The following LRCH4 variants were observed in gnomAD, a reference collection of about 807,000 sequenced individuals.
LRCH4 encodes the protein leucine-rich repeat and calponin homology domain-containing protein 4.
LRCH4 carries 56 observed loss-of-function variants against 81.2 expected under a neutral mutation model. The ratio of observed to expected loss-of-function variants is 0.69; its 90% CI spans 0.56 to 0.86. The LOEUF is 0.86. Ranked by LOEUF, LRCH4 falls within the 40% of genes least tolerant of loss-of-function variation. The pLI is 0.00. For synonymous variants in LRCH4, 442 were observed against 409.7 expected (o/e 1.08, Z -0.95); for missense variants, 895 against 922.8 (o/e 0.97, Z 0.39).
intron 4 of LRCH4, chr7:100,580,676 CACG>C (rs1466300132): frequency 6.6e-6 from 1 of 151,244 alleles, no homozygotes; most frequent in African/African-American, 2.4e-5. Flanking sequence ...CACAGACACA[CACG>C]ACATAACACA....
chr7:100,581,901 T>C lies in LRCH4; in HGVS notation c.493-19A>G, dbSNP rs1260914683. On this transcript the variant is annotated intron_variant, in intron 3 of 17. Coordinates refer to ENST00000310300, the MANE Select transcript of LRCH4 (RefSeq NM_002319.5). ...TCACGTCCTGGTATCAGGAAGGCAG[T>C]GGGAAGGGGCCATGAGACCAGGCCC... 1.9e-6 allele frequency: 3 copies of C among 1,613,368 alleles called. No individual in the cohort carries two copies. Among genetic ancestry groups the C allele is most frequent in the Non-Finnish European group, 2.5e-6 (3 of 1,179,586 alleles).
In LRCH4 at chr7:100,575,219, C is replaced by A. The variant is rs1273728792; in HGVS notation, c.1940G>T (p.Gly647Val). ...TALEAVKRVGGKALPPLWPPS... is the reference protein window; with the variant it reads ...TALEAVKRVGVKALPPLWPPS... ...GGGCCAGAGGGGCGGTAGGGCCTTG[C>A]CCCCCACCCGCTTCACGGCCTCCAG... Residue 647 changes from glycine to valine, a missense_variant, in exon 18 of 18, where the codon GGC becomes GTC. Gly to Val is a moderately radical substitution (Grantham distance 109). Coordinates refer to ENST00000310300, the MANE Select transcript of LRCH4 (RefSeq NM_002319.5). The surrounding 1 kb of genome is among the most constrained non-coding windows in gnomAD (Gnocchi z 5.3). The A allele has an allele frequency of 1.9e-6, 3 of 1,608,636 alleles. No homozygotes were observed. Among genetic ancestry groups the A allele is most frequent in the Admixed American group, 1.7e-5 (1 of 59,060 alleles).
intron 1 of LRCH4, chr7:100,584,736 C>T (rs964746757): frequency 2.2e-6 from 1 of 456,624 alleles, no homozygotes; most frequent in Non-Finnish European, 4.4e-6. Context: ...ACTGGTTCTC[C>T]CCAGAAGAGG....
Position 100,582,794 on chromosome 7 carries a change from G to C in LRCH4, c.221-335C>G, listed in dbSNP as rs552162037. 6.6e-6 allele frequency among the ~76,000 whole-genome samples: 1 copy of C among 152,326 alleles called. No individual in the cohort carries two copies. The highest frequency in any genetic ancestry group is 1.5e-5 in the Non-Finnish European group (1 of 68,032). On this transcript the variant is annotated intron_variant, in intron 1 of 17. Coordinates refer to ENST00000310300, the MANE Select transcript of LRCH4 (RefSeq NM_002319.5). The surrounding 1 kb of genome is among the most constrained non-coding windows in gnomAD (Gnocchi z 5.0). ...CTGTTCAGAGATGCCAGGTGAGGCGGAGGACCGAAGGTGAGAGGAGGGGTC... is the reference window on the plus strand; with the variant it reads ...CTGTTCAGAGATGCCAGGTGAGGCGCAGGACCGAAGGTGAGAGGAGGGGTC...
At chr7:100,576,659 C>A (rs1271367747) in intron 14 of LRCH4, 35 bp downstream of exon 14, 1 of 1,537,100 alleles carries the variant, frequency 6.5e-7, no homozygotes, top group Admixed American at 1.9e-5. Flanking sequence ...TGCTGGCAAG[C>A]ACTGGGTCAG....
In LRCH4 at chr7:100,577,206, GGGGCTCGGTGGCCCCATTTCCA is replaced by G. The variant is rs746091769; in HGVS notation, c.1295+45_1296-53del. 7.6e-5 allele frequency: 122 copies of G among 1,610,014 alleles called. 1 individual carries two copies. Among genetic ancestry groups the G allele is most frequent in the Non-Finnish European group, 9.9e-5 (117 of 1,179,508 alleles). ...TAGCCCCAAGGCAGAACGGCTCAGC[GGGGCTCGGTGGCCCCATTTCCA>G]GGGCTCAGTGTCCAGCAACAGCCCC... is the stretch of plus-strand genomic sequence containing the variant. On this transcript the variant is annotated intron_variant, in intron 11 of 17. Coordinates refer to ENST00000310300, the MANE Select transcript of LRCH4 (RefSeq NM_002319.5). The surrounding 1 kb of genome is among the most constrained non-coding windows in gnomAD (Gnocchi z 6.7).
In LRCH4 at chr7:100,576,956, C is replaced by G. The variant is rs1395473923; in HGVS notation, c.1414G>C (p.Gly472Arg). 1 of 1,585,996 alleles carries G rather than the reference C, an allele frequency of 6.3e-7. No homozygotes were observed. The highest frequency in any genetic ancestry group is 1.1e-5 in the South Asian group (1 of 88,394). The change falls in exon 13 of 18, where the codon GGA becomes CGA. Residue 472 changes from glycine to arginine, a missense_variant. Around this residue, in one of 3 missense-constraint regions of LRCH4, gnomAD observed 529 missense variants for 504.9 expected, o/e 1.05. Coordinates refer to ENST00000310300, the MANE Select transcript of LRCH4 (RefSeq NM_002319.5). ...ASQAGAAAGQ[G>R]APAPAPASQE... Reference sequence around the variant, plus strand: ...GAGGCAGGGGCAGGGGCGGGGGCTCCCTGCCCCGCTGCAGCCCCTGCTTGG... The same window carrying G: ...GAGGCAGGGGCAGGGGCGGGGGCTCGCTGCCCCGCTGCAGCCCCTGCTTGG...
chr7:100,576,605 A>C, intron 14 of LRCH4, 89 bp downstream of exon 14: 6 of 1,166,428 alleles, frequency 5.1e-6, no homozygotes, highest in Non-Finnish European at 7.4e-6. Context: ...AAGGTACAAC[A>C]GACCCAGAGG....
Position 100,575,206 on chromosome 7 carries a change from C to A in LRCH4, c.1953G>T (p.Pro651=). The A allele has an allele frequency of 6.2e-7, 1 of 1,611,608 alleles. No homozygotes were observed. Among genetic ancestry groups the A allele is most frequent in the Non-Finnish European group, 8.5e-7 (1 of 1,178,950 alleles). ...CCAGACCAGAGGGGGGCCAGAGGGG[C>A]GGTAGGGCCTTGCCCCCCACCCGCT... ...AVKRVGGKAL[P]PLWPPSGLGG... Residue 651 remains proline (P), a synonymous_variant, in exon 18 of 18, where the codon CCG becomes CCT. Transcript: ENST00000310300. The surrounding 1 kb of genome is among the most constrained non-coding windows in gnomAD (Gnocchi z 5.3).
Position 100,583,159 on chromosome 7 carries a change from T to C in LRCH4, c.221-700A>G, listed in dbSNP as rs942144387. Among the ~76,000 whole-genome samples the C allele has an allele frequency of 2.0e-5, 3 of 152,182 alleles. No individual in the cohort carries two copies. The highest frequency in any genetic ancestry group is 7.2e-5 in the African/African-American group (3 of 41,448). Reference sequence around the variant, plus strand: ...CAGGTCCCTCCCATCTGGGCTTCTCTGGCCCAGGGCAGGCATCCTTCCTAC... The same window carrying C: ...CAGGTCCCTCCCATCTGGGCTTCTCCGGCCCAGGGCAGGCATCCTTCCTAC... On this transcript the variant is annotated intron_variant, in intron 1 of 17. Transcript: ENST00000310300. This position sits in a 1 kb window ranked among gnomAD's most constrained non-coding sequence, Gnocchi z 4.3.
At position 100,581,689 on chromosome 7, in the gene LRCH4, C is replaced by T. The variant is rs1584409248; in HGVS notation, c.598+88G>A. 2.8e-6 allele frequency: 3 copies of T among 1,080,752 alleles called. No individual in the cohort carries two copies. The South Asian group carries it at 4.0e-5, about 14-fold the overall frequency. The allele number at this position is 1,080,752 out of a possible 1,614,324, so 66.9% of individuals were successfully genotyped here. A position where few individuals can be genotyped will look rare whatever the true frequency, so the allele number is the denominator to read the frequency against. On this transcript the variant is annotated intron_variant, in intron 4 of 17. Transcript: ENST00000310300. ...ATGAATGCCTGCCATGTATAAGCTA[C>T]CCGGTCTGCAGTGTTTTCGTTACCG... is the stretch of plus-strand genomic sequence containing the variant.
At position 100,576,911 on chromosome 7, in the gene LRCH4, C is replaced by A; in HGVS notation, c.1459G>T (p.Ala487Ser). ...AAAATCCCTGTCCCACCTGGTCCAGCTATGGGAAGGGGCTCTTGGGAGGCA... is the reference window on the plus strand; with the variant it reads ...AAAATCCCTGTCCCACCTGGTCCAGATATGGGAAGGGGCTCTTGGGAGGCA... ...APASQEPLPI[A>S]GPATAPAPRP... Residue 487 changes from alanine to serine, a missense_variant, in exon 13 of 18, where the codon GCT (alanine) becomes TCT (serine). This residue lies in a region of LRCH4 where 529 missense variants were observed against 504.9 expected (regional missense o/e 1.05). Coordinates refer to ENST00000310300, the MANE Select transcript of LRCH4 (RefSeq NM_002319.5). 6.4e-7 allele frequency: 1 copy of A among 1,555,392 alleles called. No individual in the cohort carries two copies.
chr7:100,575,265 C>G lies in LRCH4; in HGVS notation c.1894G>C (p.Ala632Pro), dbSNP rs764888505. The G allele has an allele frequency of 6.3e-7, 1 of 1,577,478 alleles. No homozygotes were observed. Among genetic ancestry groups the G allele is most frequent in the Admixed American group, 1.9e-5 (1 of 53,522 alleles). ...TCCAGCGCGGTCCGCAGCCCCCGGG[C>G]AGTGCCCTGGAGGAGATCCGAGGGC... is the stretch of plus-strand genomic sequence containing the variant. ...CSPSDLLQGT[A>P]RGLRTALEAV... Residue 632 changes from alanine to proline, a missense_variant, in exon 18 of 18, where the codon GCC becomes CCC. Coordinates refer to ENST00000310300, the MANE Select transcript of LRCH4 (RefSeq NM_002319.5). The surrounding 1 kb of genome is among the most constrained non-coding windows in gnomAD (Gnocchi z 5.3).
At position 100,575,040 on chromosome 7, in the gene LRCH4, C is replaced by T. The variant is rs527951964; in HGVS notation, c.*67G>A. 4 of 1,445,256 alleles carry T rather than the reference C, an allele frequency of 2.8e-6. No individual in the cohort carries two copies. The highest frequency in any genetic ancestry group is 2.4e-5 in the East Asian group (1 of 42,408). 89.5% of individuals were successfully genotyped at this position (1,445,256 alleles called of 1,614,324 possible). Reference sequence around the variant, plus strand: ...GGGCTGAAGGCACCGCAGGTGGGGTCGGGTGGAGCAGGGACCTTATAAATA... The same window carrying T: ...GGGCTGAAGGCACCGCAGGTGGGGTTGGGTGGAGCAGGGACCTTATAAATA... On this transcript the variant is annotated 3_prime_UTR_variant, in exon 18 of 18. Transcript: ENST00000310300. This position sits in a 1 kb window ranked among gnomAD's most constrained non-coding sequence, Gnocchi z 5.3.
Position 100,575,260 on chromosome 7 carries a change from C to A in LRCH4, c.1899G>T (p.Arg633=), listed in dbSNP as rs904840586. ...CGGCCTCCAGCGCGGTCCGCAGCCCCCGGGCAGTGCCCTGGAGGAGATCCG... is the reference window on the plus strand; with the variant it reads ...CGGCCTCCAGCGCGGTCCGCAGCCCACGGGCAGTGCCCTGGAGGAGATCCG... ...SPSDLLQGTA[R]GLRTALEAVK... is the part of the protein sequence containing the mutation. Residue 633 remains arginine (R), a synonymous_variant, in exon 18 of 18, where the codon CGG becomes CGT. Coordinates refer to ENST00000310300, the MANE Select transcript of LRCH4 (RefSeq NM_002319.5). This position sits in a 1 kb window ranked among gnomAD's most constrained non-coding sequence, Gnocchi z 5.3. 1 of 1,579,730 alleles carries A rather than the reference C, an allele frequency of 6.3e-7. No individual in the cohort carries two copies. Among genetic ancestry groups the A allele is most frequent in the Non-Finnish European group, 8.6e-7 (1 of 1,161,830 alleles).
intron 14 of LRCH4, 29 bp downstream of exon 14, chr7:100,576,665 G>A (rs1349665079): frequency 6.4e-7 from 1 of 1,559,558 alleles, no homozygotes; most frequent in Admixed American, 1.9e-5. Context: ...CAAGCACTGG[G>A]TCAGCACTGG....
rs1305358139 is a variant in LRCH4 at position 100,583,461 on chromosome 7, C to T, written c.221-1002G>A. 4.6e-5 allele frequency among the ~76,000 whole-genome samples: 7 copies of T among 152,146 alleles called. No individual in the cohort carries two copies. The highest frequency in any genetic ancestry group is 2.9e-5 in the Non-Finnish European group (2 of 68,008). On this transcript the variant is annotated intron_variant, in intron 1 of 17. Coordinates refer to ENST00000310300, the MANE Select transcript of LRCH4 (RefSeq NM_002319.5). The surrounding 1 kb of genome is among the most constrained non-coding windows in gnomAD (Gnocchi z 4.3). Reference sequence around the variant, plus strand: ...CCTGTCCTGGGAGGGGCCCAGGGCCCGCGAGGCGGAGTCCCAGGCCACAGA... The same window carrying T: ...CCTGTCCTGGGAGGGGCCCAGGGCCTGCGAGGCGGAGTCCCAGGCCACAGA...
chr7:100,582,526 C>CCCCG lies in LRCH4; in HGVS notation c.221-68_221-67insCGGG, dbSNP rs966433629. The CCCCG allele has an allele frequency of 4.0e-6, 6 of 1,513,416 alleles. No individual in the cohort carries two copies. In the African/African-American group the frequency reaches 8.2e-5, roughly 21 times the overall value. The allele number at this position is 1,513,416 out of a possible 1,614,324, so 93.7% of individuals were successfully genotyped here. On this transcript the variant is annotated intron_variant, in intron 1 of 17. Transcript: ENST00000310300. The surrounding 1 kb of genome is among the most constrained non-coding windows in gnomAD (Gnocchi z 5.0). ...AGCCCGGACAGGACCTTCAGTCCCC[C>CCCCG]CAGAGCCGGCTGCCCACTCCCTCAC... is the stretch of plus-strand genomic sequence containing the variant.
Position 100,575,798 on chromosome 7 carries a change from G to A in LRCH4, c.1777-16C>T, listed in dbSNP as rs1801337683. The A allele has an allele frequency of 1.2e-6, 2 of 1,607,352 alleles. No individual in the cohort carries two copies. The highest frequency in any genetic ancestry group is 2.7e-5 in the African/African-American group (2 of 74,744). ...TGAGTTTTGGCTGGGGTGGGTGAAA[G>A]AAGAAAATGTGGTAAGGGAGAGGCC... is the stretch of plus-strand genomic sequence containing the variant. On this transcript the variant is annotated splice_polypyrimidine_tract_variant and intron_variant, in intron 16 of 17. Coordinates refer to ENST00000310300, the MANE Select transcript of LRCH4 (RefSeq NM_002319.5). The surrounding 1 kb of genome is among the most constrained non-coding windows in gnomAD (Gnocchi z 5.3).
Sources: allele counts gnomAD v4.1 joint callset (sites outside exome capture counted in the v4.1 genomes callset), GRCh38; gene constraint gnomAD v4.1.1; regional missense constraint gnomAD v4.1.1; non-coding constraint Gnocchi (gnomAD v3.1); transcripts MANE v1.5; gene names NCBI Gene and HGNC (gene_info 2026-07-23, HGNC 2026-07-21).